NFATC1: variants seen among roughly 807,000 people sequenced by gnomAD.
The protein encoded by NFATC1 is nuclear factor of activated T cells 1.
A neutral mutation model predicts 76.0 loss-of-function variants in NFATC1; 22 were observed. The observed-to-expected ratio is 0.29, with a 90% CI of 0.21 to 0.41. NFATC1 has a LOEUF of 0.41. Among genes scored for constraint, NFATC1 ranks in the 10% least tolerant of loss-of-function variants. The pLI, the probability that NFATC1 is intolerant of heterozygous loss-of-function variation, is 1.00. For missense variants in NFATC1, 1,357 were observed against 1,337.7 expected (o/e 1.01, Z -0.23); for synonymous variants, 704 against 613.1 (o/e 1.15, Z -2.19).
intron 3 of NFATC1, among the ~76,000 whole-genome samples, chr18:79,438,094 T>G (rs1279466375): frequency 6.6e-6 from 1 of 152,216 alleles, no homozygotes. Context: ...GGAGGAGACC[T>G]GGAGTCCGGC....
At chr18:79,482,335 C>T (rs1371130153) in intron 8 of NFATC1, among the ~76,000 whole-genome samples, 34 of 126,342 alleles carry the variant, frequency 2.7e-4, no homozygotes, top group East Asian at 7.9e-4. Context: ...GGTGTCATTC[C>T]AGCGTGACCT....
At chr18:79,431,063 G>GATTC (rs996073685) in intron 2 of NFATC1, among the ~76,000 whole-genome samples, 3 of 152,254 alleles carry the variant, frequency 2.0e-5, no homozygotes, top group African/African-American at 7.2e-5. Flanking sequence ...GCGTCTTGGA[G>GATTC]ATTCCTCTGT....
At chr18:79,517,019 C>T (rs566250088) in intron 9 of NFATC1, among the ~76,000 whole-genome samples, 2 of 152,336 alleles carry the variant, frequency 1.3e-5, no homozygotes, top group East Asian at 3.9e-4. Flanking sequence ...GTAATGAACG[C>T]CACAGCCATG....
At chr18:79,413,734 C>T (rs1262505676) in intron 2 of NFATC1, among the ~76,000 whole-genome samples, 1 of 152,232 alleles carries the variant, frequency 6.6e-6, no homozygotes, top group East Asian at 1.9e-4. Flanking sequence ...TTCTTCGTCT[C>T]CTGGGCGGCA....
At chr18:79,438,084 G>A (rs1237027486) in intron 3 of NFATC1, among the ~76,000 whole-genome samples, 3 of 152,216 alleles carry the variant, frequency 2.0e-5, no homozygotes, top group East Asian at 1.9e-4. Flanking sequence ...CTGTGGTCCC[G>A]GAGGAGACCT....
At chr18:79,418,556 C>T (rs1470604742) in intron 2 of NFATC1, among the ~76,000 whole-genome samples, 4 of 152,178 alleles carry the variant, frequency 2.6e-5, no homozygotes, top group Admixed American at 2.0e-4. Context: ...AGAGCCCAGT[C>T]GAGGGGCTTT....
At chr18:79,406,011 C>T (rs1421922865) in intron 1 of NFATC1, among the ~76,000 whole-genome samples, 1 of 152,094 alleles carries the variant, frequency 6.6e-6, no homozygotes, top group Non-Finnish European at 1.5e-5. Flanking sequence ...GTCCGCCTCC[C>T]CTTTCCTGCC....
chr18:79,409,782 C>T lies in NFATC1; in HGVS notation c.128-621C>T, dbSNP rs528847001. Among the ~76,000 whole-genome samples, 7 of 152,326 alleles carry T rather than the reference C, an allele frequency of 4.6e-5. No individual in the cohort carries two copies. The South Asian group carries it at 6.2e-4, about 14-fold the overall frequency. ...GCACAGTCTTTGGCTCTGAAAACAG[C>T]GGTGAGCAGAATAGACTAAGGCGTC... On this transcript the variant is annotated intron_variant, in intron 1 of 9. Transcript: ENST00000427363.
Position 79,439,257 on chromosome 18 carries a change from C to T in NFATC1, c.1386+5519C>T, listed in dbSNP as rs560354232. Among the ~76,000 whole-genome samples, 13 of 152,306 alleles carry T rather than the reference C, an allele frequency of 8.5e-5. No individual in the cohort carries two copies. In the South Asian group the frequency reaches 1.9e-3, roughly 22 times the overall value. On this transcript the variant is annotated intron_variant, in intron 3 of 9. Coordinates refer to ENST00000427363, the MANE Select transcript of NFATC1 (RefSeq NM_001278669.2). ...AAACTGGAAAGCCGGGGAGGGACGT[C>T]GCTGGGACACATTGTTATCTGATCA...
At chr18:79,452,575 G>A (rs1310507930) in intron 6 of NFATC1, among the ~76,000 whole-genome samples, 1 of 152,232 alleles carries the variant, frequency 6.6e-6, no homozygotes. Context: ...TCCCAGAGGG[G>A]TGGCCTCGCC....
At chr18:79,405,645 T>C (rs1461596377) in intron 1 of NFATC1, among the ~76,000 whole-genome samples, 1 of 152,198 alleles carries the variant, frequency 6.6e-6, no homozygotes, top group Non-Finnish European at 1.5e-5. Flanking sequence ...GGGAACTTTA[T>C]CCACTACCCG....
intron 1 of NFATC1, among the ~76,000 whole-genome samples, chr18:79,401,302 C>T (rs757210621): frequency 6.6e-6 from 1 of 152,096 alleles, no homozygotes; most frequent in Non-Finnish European, 1.5e-5. Flanking sequence ...CAAGCAGGGA[C>T]CTCCGCCGAG....
chr18:79,457,974 C>T (rs1321296290), intron 6 of NFATC1, among the ~76,000 whole-genome samples: 4 of 152,222 alleles, frequency 2.6e-5, no homozygotes, highest in African/African-American at 9.6e-5. Flanking sequence ...CTGCCCACAC[C>T]TGTCTGTCGA....
intron 8 of NFATC1, among the ~76,000 whole-genome samples, chr18:79,482,361 TTCCAGTGTGACGTGGTCCTGGGGTGTCAC>T (rs2089310288): frequency 2.4e-5 from 3 of 126,428 alleles, no homozygotes; most frequent in South Asian, 2.9e-4. Flanking sequence ...TGGGGTGTCA[TTCCAGTGTGACGTGGTCCTGGGGTGTCAC>T]TCCAGCATGA....
At chr18:79,420,095 A>G (rs533000316) in intron 2 of NFATC1, among the ~76,000 whole-genome samples, 31 of 152,332 alleles carry the variant, frequency 2.0e-4, no homozygotes, top group African/African-American at 7.5e-4. Flanking sequence ...ATGTGAGACC[A>G]TGTGGCCTGC....
At chr18:79,474,824 G>A (rs2088977486) in intron 8 of NFATC1, among the ~76,000 whole-genome samples, 1 of 148,310 alleles carries the variant, frequency 6.7e-6, no homozygotes, top group African/African-American at 2.5e-5. Context: ...CCTGAGGGAA[G>A]CGTGTTCTCA....
intron 9 of NFATC1, among the ~76,000 whole-genome samples, chr18:79,501,205 T>A (rs1414079783): frequency 6.6e-6 from 1 of 152,170 alleles, no homozygotes; most frequent in Non-Finnish European, 1.5e-5. Flanking sequence ...TGTACCATAT[T>A]AATAGAAAAA....
chr18:79,473,037 C>A (rs905780377), intron 8 of NFATC1, among the ~76,000 whole-genome samples: 1 of 152,254 alleles, frequency 6.6e-6, no homozygotes, highest in Non-Finnish European at 1.5e-5. Context: ...GGGGTCAAGC[C>A]GGGACCCCTA....
intron 2 of NFATC1, among the ~76,000 whole-genome samples, chr18:79,419,093 A>G (rs986613083): frequency 1.3e-5 from 2 of 152,096 alleles, no homozygotes; most frequent in African/African-American, 4.8e-5. Context: ...GTGTCATCAC[A>G]GCTTACTGCA....
Sources: gnomAD v4.1 joint callset for allele counts (sites outside exome capture counted in the v4.1 genomes callset) on GRCh38, gnomAD v4.1.1 for gene constraint, MANE v1.5 for transcripts, NCBI Gene and HGNC (gene_info 2026-07-23, HGNC 2026-07-21) for gene names.